MMS22L: variants seen among roughly 807,000 people sequenced by gnomAD.
MMS22L encodes protein MMS22-like.
MMS22L carries 74 observed loss-of-function variants against 159.1 expected under a neutral mutation model. The ratio of observed to expected loss-of-function variants is 0.47; its 90% CI spans 0.39 to 0.56. MMS22L has a LOEUF of 0.56. Among genes scored for constraint, MMS22L ranks in the 20% least tolerant of loss-of-function variants. The pLI is 0.00. For synonymous variants in MMS22L, 517 were observed against 506.9 expected (o/e 1.02, Z -0.27); for missense variants, 1,351 against 1,422.1 (o/e 0.95, Z 0.80).
At chr6:97,224,196 A>G (rs1342054920) in intron 14 of MMS22L, among the ~76,000 whole-genome samples, 1 of 152,202 alleles carries the variant, frequency 6.6e-6, no homozygotes, top group Non-Finnish European at 1.5e-5. Context: ...ATCCAGGTGC[A>G]GTTACAAGAA....
intron 14 of MMS22L, among the ~76,000 whole-genome samples, chr6:97,197,952 C>T (rs1225104933): frequency 2.0e-5 from 3 of 152,138 alleles, no homozygotes; most frequent in Non-Finnish European, 4.4e-5. Flanking sequence ...GGCTATTCCA[C>T]TGTTTGCTGA....
chr6:97,193,049 T>C (rs912136477), intron 14 of MMS22L, among the ~76,000 whole-genome samples: 1 of 152,184 alleles, frequency 6.6e-6, no homozygotes, highest in Non-Finnish European at 1.5e-5. Context: ...AAATGTCGCA[T>C]TGCTGTATTC....
chr6:97,231,117 A>G (rs1274306509), intron 13 of MMS22L: 3 of 230,196 alleles, frequency 1.3e-5, no homozygotes, highest in Non-Finnish European at 2.6e-5. Flanking sequence ...AAATGAGAAC[A>G]TTAGTTATCT....
chr6:97,180,812 T>A (rs1233543959), intron 16 of MMS22L, among the ~76,000 whole-genome samples: 1 of 152,190 alleles, frequency 6.6e-6, no homozygotes, highest in African/African-American at 2.4e-5. Context: ...TTGAACTCTC[T>A]TACCTTACAA....
chr6:97,244,670 G>A (rs1393409538), intron 11 of MMS22L, among the ~76,000 whole-genome samples: 1 of 152,190 alleles, frequency 6.6e-6, no homozygotes. Context: ...TCAGCTTTGA[G>A]ACCTGGACTG....
At chr6:97,203,908 G>C (rs1269478993) in intron 14 of MMS22L, among the ~76,000 whole-genome samples, 1 of 152,062 alleles carries the variant, frequency 6.6e-6, no homozygotes, top group African/African-American at 2.4e-5. Flanking sequence ...AAAGTACTTA[G>C]CTCATTATAT....
At chr6:97,158,606 T>C (rs1014434213) in intron 22 of MMS22L, among the ~76,000 whole-genome samples, 1 of 152,214 alleles carries the variant, frequency 6.6e-6, no homozygotes, top group Non-Finnish European at 1.5e-5. Flanking sequence ...TCAGTTTCCA[T>C]GTAGTTGTGC....
intron 14 of MMS22L, among the ~76,000 whole-genome samples, chr6:97,213,691 A>AT (rs1222100202): frequency 6.6e-6 from 1 of 152,220 alleles, no homozygotes; most frequent in Admixed American, 6.5e-5. Flanking sequence ...AAAGAGAGGC[A>AT]TTAAAAACTC....
chr6:97,257,304 T>G (rs1813923281), intron 9 of MMS22L, among the ~76,000 whole-genome samples: 1 of 152,244 alleles, frequency 6.6e-6, no homozygotes, highest in South Asian at 2.1e-4. Context: ...TATACCATTA[T>G]GCAGCAATCA....
At chr6:97,183,694 C>T (rs993594706) in intron 15 of MMS22L, among the ~76,000 whole-genome samples, 11 of 152,136 alleles carry the variant, frequency 7.2e-5, no homozygotes, top group Admixed American at 1.3e-4. Flanking sequence ...ACCACATTTA[C>T]GCAGTTGCCT....
intron 11 of MMS22L, among the ~76,000 whole-genome samples, chr6:97,241,048 G>A (rs1173014501): frequency 6.6e-6 from 1 of 152,184 alleles, no homozygotes; most frequent in Non-Finnish European, 1.5e-5. Context: ...AGTTAAAAAC[G>A]AGAACATATG....
At chr6:97,164,608 AATATAATTACTGT>A (rs766768023) in intron 21 of MMS22L, among the ~76,000 whole-genome samples, 16 of 151,946 alleles carry the variant, frequency 1.1e-4, no homozygotes, top group Admixed American at 9.2e-4. Flanking sequence ...ATCTTTATAA[AATATAATTACTGT>A]ATTTTATTTT....
intron 9 of MMS22L, chr6:97,259,704 T>C (rs995804694): frequency 6.6e-6 from 1 of 151,456 alleles, no homozygotes; most frequent in Non-Finnish European, 1.5e-5. Context: ...ATCTTATATA[T>C]ATATATATAT....
chr6:97,263,295 G>T, intron 9 of MMS22L, 40 bp downstream of exon 9: 1 of 1,199,334 alleles, frequency 8.3e-7, no homozygotes, highest in African/African-American at 1.6e-5. Context: ...TCAATATAAA[G>T]GTTAGTAACA....
At chr6:97,195,252 A>C (rs1806366451) in intron 14 of MMS22L, among the ~76,000 whole-genome samples, 1 of 152,200 alleles carries the variant, frequency 6.6e-6, no homozygotes, top group South Asian at 2.1e-4. Flanking sequence ...TCAAGGAACA[A>C]CAACCAGGAG....
Position 97,162,107 on chromosome 6 carries a change from C to A in MMS22L, c.3280G>T (p.Ala1094Ser). The change falls in exon 22 of 25, where the codon GCC (alanine) becomes TCC (serine). Residue 1094 changes from alanine (A) to serine (S), a missense_variant. Physicochemically the swap from Ala to Ser is moderately conservative, Grantham distance 99 (BLOSUM62 1). Coordinates refer to ENST00000683635, the MANE Select transcript of MMS22L (RefSeq NM_001350599.2). ...SPPPRLASIL[A>S]FILQLFKETN... is the part of the protein sequence containing the mutation. Reference sequence around the variant, plus strand: ...TCCTTGAAGAGTTGGAGGATGAAGGCCAGAATGGATGCTAAGCGAGGAGGA... The same window carrying A: ...TCCTTGAAGAGTTGGAGGATGAAGGACAGAATGGATGCTAAGCGAGGAGGA... 1.2e-6 allele frequency: 2 copies of A among 1,611,754 alleles called. No individual in the cohort carries two copies. The highest frequency in any genetic ancestry group is 2.2e-5 in the South Asian group (2 of 90,818).
intron 14 of MMS22L, among the ~76,000 whole-genome samples, chr6:97,224,465 G>T (rs1257806627): frequency 6.6e-6 from 1 of 151,164 alleles, no homozygotes; most frequent in East Asian, 1.9e-4. Context: ...TAGAGGGTTG[G>T]AATAGTACTA....
chr6:97,277,412 T>C (rs894320217), intron 4 of MMS22L, among the ~76,000 whole-genome samples: 4 of 151,740 alleles, frequency 2.6e-5, no homozygotes, highest in Non-Finnish European at 5.9e-5. Flanking sequence ...AGACTCCATC[T>C]CAAAAAATAA....
At chr6:97,149,418 T>C (rs1360908162) in intron 24 of MMS22L, among the ~76,000 whole-genome samples, 2 of 152,282 alleles carry the variant, frequency 1.3e-5, no homozygotes, top group Non-Finnish European at 2.9e-5. Flanking sequence ...TACTGTCTAA[T>C]TGGGTCACTT....
Sources: allele counts gnomAD v4.1 joint callset (sites outside exome capture counted in the v4.1 genomes callset), GRCh38; gene constraint gnomAD v4.1.1; transcripts MANE v1.5; gene names NCBI Gene and HGNC (gene_info 2026-07-23, HGNC 2026-07-21).